Variants in PUDP observed in about 807,000 individuals in gnomAD.
PUDP encodes pseudouridine 5'-phosphatase.
In PUDP, 8 loss-of-function variants were observed where a neutral mutation model predicts 9.4. The observed-to-expected ratio is 0.85, with a 90% confidence interval of 0.50 to 1.53. The LOEUF is 1.53. Ranked by LOEUF, PUDP falls within the 40% of genes most tolerant of loss-of-function variation. The pLI, the probability that PUDP is intolerant of heterozygous loss-of-function variation, is 0.00. For missense variants in PUDP, 188 were observed against 189.7 expected, an observed-to-expected ratio of 0.99 and a Z score of 0.05; for synonymous variants, 99 against 80.7, an observed-to-expected ratio of 1.23 and a Z score of -1.22.
chrX:7,044,494 G>A (rs1004581829), downstream of PUDP, among the ~76,000 whole-genome samples: 4 of 112,647 alleles, frequency 3.6e-5, no homozygotes, highest in Non-Finnish European at 7.5e-5. Flanking sequence ...AGACAATAAT[G>A]TTGGGAATGA....
At chrX:6,778,270 G>C (rs1036810697) in intron 3 of PUDP, among the ~76,000 whole-genome samples, 1 of 112,019 alleles carries the variant, frequency 8.9e-6, no homozygotes, top group Non-Finnish European at 1.9e-5. Context: ...TCCCGAAAGG[G>C]AAGTCTTGGA....
chrX:7,068,524 CA>C (rs1174318715), intron 3 of PUDP, among the ~76,000 whole-genome samples: 1 of 111,929 alleles, frequency 8.9e-6, no homozygotes, highest in Non-Finnish European at 1.9e-5. Flanking sequence ...CTGCTACCTA[CA>C]GCCTCAATTC....
intron 3 of PUDP, among the ~76,000 whole-genome samples, chrX:6,863,670 G>C: frequency 8.9e-6 from 1 of 112,104 alleles, no homozygotes; most frequent in African/African-American, 3.2e-5. Flanking sequence ...ATGGAAAGGT[G>C]AACTATAAGA....
intron 3 of PUDP, among the ~76,000 whole-genome samples, chrX:6,902,890 A>C (rs1287226074): frequency 9.0e-6 from 1 of 111,701 alleles, no homozygotes; most frequent in East Asian, 2.8e-4. Flanking sequence ...ATTCCTAAAG[A>C]GCTAAGTAGG....
chrX:6,775,707 G>A (rs552263056), intron 3 of PUDP, among the ~76,000 whole-genome samples: 229 of 110,721 alleles, frequency 2.1e-3, no homozygotes, highest in African/African-American at 7.1e-3. Flanking sequence ...GAGGTGATGA[G>A]CGGTGATGAG....
intron 3 of PUDP, among the ~76,000 whole-genome samples, chrX:6,904,047 G>A (rs1440058035): frequency 1.9e-5 from 2 of 107,812 alleles, no homozygotes; most frequent in Non-Finnish European, 3.8e-5. Flanking sequence ...TGCCTCCTGG[G>A]TTCAAATGAT....
chrX:7,026,752 C>A (rs1409574584), intron 1 of PUDP, among the ~76,000 whole-genome samples: 2 of 111,911 alleles, frequency 1.8e-5, no homozygotes, highest in Non-Finnish European at 3.8e-5. Context: ...GTTGCATAGA[C>A]CCCCCTCCCA....
At chrX:7,006,010 T>A (rs180915015) in intron 1 of PUDP, among the ~76,000 whole-genome samples, 1 of 112,230 alleles carries the variant, frequency 8.9e-6, no homozygotes, top group East Asian at 2.8e-4. Flanking sequence ...TGTGAAAATT[T>A]TTTTCCTTTT....
chrX:6,996,249 T>G (rs911631388), intron 1 of PUDP, among the ~76,000 whole-genome samples: 3 of 112,077 alleles, frequency 2.7e-5, no homozygotes, highest in African/African-American at 9.7e-5. Flanking sequence ...TTAGTTATTT[T>G]GTGCAATATG....
intron 3 of PUDP, among the ~76,000 whole-genome samples, chrX:6,939,897 T>C (rs1481249249): frequency 9.0e-6 from 1 of 111,346 alleles, no homozygotes; most frequent in Non-Finnish European, 1.9e-5. Context: ...AAAAGAATTC[T>C]GGATATTCTG....
At chrX:6,909,429 T>G (rs1360909476) in intron 3 of PUDP, among the ~76,000 whole-genome samples, 1 of 111,973 alleles carries the variant, frequency 8.9e-6, no homozygotes. Flanking sequence ...TTAAGCAAGG[T>G]TGTCCAAATC....
intron 3 of PUDP, among the ~76,000 whole-genome samples, chrX:6,830,347 C>T (rs1926485772): frequency 9.0e-6 from 1 of 111,271 alleles, no homozygotes; most frequent in Non-Finnish European, 1.9e-5. Context: ...AAAAATCCTT[C>T]AAGCATTCAG....
chrX:6,935,979 G>C (rs1455447355), intron 3 of PUDP, among the ~76,000 whole-genome samples: 33 of 107,696 alleles, frequency 3.1e-4, no homozygotes, highest in African/African-American at 1.1e-3. Context: ...ATCTGAAATT[G>C]TGGCAATAAT....
At chrX:6,723,082 C>T (rs769532077), upstream of PUDP, among the ~76,000 whole-genome samples, 120 of 110,457 alleles carry the variant, frequency 1.1e-3, no homozygotes, top group African/African-American at 3.7e-3. Flanking sequence ...AAATAACCAA[C>T]AATACACAAA....
At position 6,975,499 on chromosome X, in the gene PUDP, A is replaced by G. The variant is rs528269042; in HGVS notation, c.*247+1634T>C. Among the ~76,000 whole-genome samples the G allele has an allele frequency of 1.4e-3, 157 of 110,866 alleles. 2 individuals carry two copies. In the South Asian group the frequency reaches 0.057, roughly 41 times the overall value. On this transcript the variant is annotated intron_variant and NMD_transcript_variant, in intron 3 of 3. Coordinates refer to the PUDP transcript ENST00000655425. ...CTGCAGGTCTCCTGGAGTTTGCTGG[A>G]GGTCCACTCCAGACCCTATTTGCCT...
chrX:6,737,807 G>T (rs769093424), intron 3 of PUDP, among the ~76,000 whole-genome samples: 17 of 111,450 alleles, frequency 1.5e-4, no homozygotes, highest in Non-Finnish European at 2.8e-4. Flanking sequence ...GCACAACTTT[G>T]TCTCCTATTT....
chrX:6,962,675 C>T (rs1928725994), intron 3 of PUDP, among the ~76,000 whole-genome samples: 1 of 112,200 alleles, frequency 8.9e-6, no homozygotes, highest in African/African-American at 3.2e-5. Context: ...TTTTGAGTTC[C>T]ATACAATGTT....
At position 7,148,103 on chromosome X, in the gene PUDP, G is replaced by A. The variant is rs769833085; in HGVS notation, c.11C>T (p.Pro4Leu). The A allele has an allele frequency of 2.7e-6, 3 of 1,131,139 alleles. No homozygotes were observed. Among genetic ancestry groups the A allele is most frequent in the Non-Finnish European group, 3.5e-6 (3 of 853,993 alleles). 93.2% of individuals were successfully genotyped at this position (1,131,139 alleles called of 1,213,427 possible). The change falls in exon 1 of 4, where the codon CCC becomes CTC. Residue 4 changes from proline to leucine, a missense_variant. Transcript: ENST00000381077. The stretch of plus-strand genomic sequence containing the variant: ...GATGAGGTGGGTGACGGGCTGCGGG[G>A]GCGCCGCCATGGTGGCGCCTTCTGG... MAAPPQPVTHLIFD... is the reference protein window; with the variant it reads MAALPQPVTHLIFD...
downstream of PUDP, among the ~76,000 whole-genome samples, chrX:7,047,652 C>T (rs4830571): frequency 0.25 from 27,267 of 111,099 alleles, 2,631 homozygotes; most frequent in Admixed American, 0.41. Context: ...ATATCCCTTG[C>T]TCTTTAACAC....
Sources: allele counts gnomAD v4.1 joint callset (sites outside exome capture counted in the v4.1 genomes callset), GRCh38; gene constraint gnomAD v4.1.1; transcripts MANE v1.5; gene names NCBI Gene and HGNC (gene_info 2026-07-23, HGNC 2026-07-21).